The following TIMELESS variants were observed in gnomAD, a reference collection of about 807,000 sequenced individuals.
The protein encoded by TIMELESS is protein timeless homolog.
Under a neutral mutation model 164.3 loss-of-function variants are expected in TIMELESS, and 124 were observed. That is an observed-to-expected ratio of 0.75 (90% confidence interval 0.65 to 0.88). TIMELESS has a LOEUF of 0.88. Ranked by LOEUF, TIMELESS falls within the 40% of genes least tolerant of loss-of-function variation. The pLI is 0.00. For missense variants in TIMELESS, 1,422 were observed against 1,491.4 expected, an observed-to-expected ratio of 0.95 and a Z score of 0.77; for synonymous variants, 564 against 563.4, an observed-to-expected ratio of 1.00 and a Z score of -0.02.
chr12:56,443,426 G>C (rs1868304103), intron 1 of TIMELESS, among the ~76,000 whole-genome samples: 1 of 152,152 alleles, frequency 6.6e-6, no homozygotes, highest in East Asian at 1.9e-4. Context: ...GTGAATTCTA[G>C]TCAGACTGGT....
At chr12:56,427,952 C>G (rs991734044) in intron 13 of TIMELESS, among the ~76,000 whole-genome samples, 1 of 152,100 alleles carries the variant, frequency 6.6e-6, no homozygotes, top group East Asian at 1.9e-4. Context: ...AATTATTAGA[C>G]TCTAAAATTA....
intron 10 of TIMELESS, 103 bp from the exon 11 acceptor site, chr12:56,429,203 AT>A (rs371281887): frequency 0.11 from 95,615 of 836,932 alleles, no homozygotes; most frequent in East Asian, 0.16. Context: ...CACCGTCATA[AT>A]TTTTTTTTTT....
chr12:56,448,885 T>C (rs994453668), intron 1 of TIMELESS, among the ~76,000 whole-genome samples: 2 of 152,126 alleles, frequency 1.3e-5, no homozygotes, highest in African/African-American at 4.8e-5. Context: ...ATCCGTTCCA[T>C]AAAACCCACG....
At chr12:56,433,186 T>C in intron 5 of TIMELESS, 59 bp from the exon 6 acceptor site, 1 of 1,542,840 alleles carries the variant, frequency 6.5e-7, no homozygotes. Context: ...GTATGTACTC[T>C]GGCTGGAAGA....
At chr12:56,436,120 T>C (rs1882063827) in intron 1 of TIMELESS, among the ~76,000 whole-genome samples, 1 of 152,178 alleles carries the variant, frequency 6.6e-6, no homozygotes, top group African/African-American at 2.4e-5. Context: ...AGAGACTTAT[T>C]CTTAGCCAAT....
chr12:56,438,335 G>A (rs920289524), intron 1 of TIMELESS, among the ~76,000 whole-genome samples: 3 of 152,248 alleles, frequency 2.0e-5, no homozygotes, highest in South Asian at 2.1e-4. Flanking sequence ...GTGAGCCACC[G>A]TGCCTGGCTT....
At chr12:56,447,213 A>G (rs1411058950) in intron 1 of TIMELESS, among the ~76,000 whole-genome samples, 2 of 126,628 alleles carry the variant, frequency 1.6e-5, no homozygotes, top group African/African-American at 2.9e-5. Flanking sequence ...TTTTTTTAGT[A>G]GAGATAGGAA....
chr12:56,446,810 C>CAAA (rs57794084), intron 1 of TIMELESS, among the ~76,000 whole-genome samples: 3 of 127,000 alleles, frequency 2.4e-5, no homozygotes, highest in African/African-American at 8.4e-5. Flanking sequence ...AACTCCATCT[C>CAAA]AAAAAAAAAA....
rs559538030 is a variant in TIMELESS, at chr12:56,423,657, C to A, written c.2017G>T (p.Glu673Ter). 3 of 1,614,050 alleles carry A rather than the reference C, an allele frequency of 1.9e-6. No individual in the cohort carries two copies. The African/African-American group carries it at 4.0e-5, about 22-fold the overall frequency. ...ACTTGCAACTCCTCCTCTTCCTCCT[C>A]CTCCTCCTCTTCTTCTTCCTCTGCC... ...RGAEEEEEEEEEEEEELQVVQ... is the reference protein window; with the variant it reads ...RGAEEEEEEE The change falls in exon 17 of 29, where the codon GAG becomes TAG. Residue 673 changes from glutamate to a stop codon, truncating the protein, a stop_gained. Transcript: ENST00000553532. LOFTEE classifies it high-confidence loss of function.
At chr12:56,426,544 G>A (rs963718952) in intron 13 of TIMELESS, among the ~76,000 whole-genome samples, 12 of 151,106 alleles carry the variant, frequency 7.9e-5, no homozygotes, top group Admixed American at 2.0e-4. Context: ...GTGCCACCAC[G>A]CCAGGCTAAT....
chr12:56,433,279 A>G (rs372281803), intron 5 of TIMELESS, 102 bp downstream of exon 5: 1 of 1,441,966 alleles, frequency 6.9e-7, no homozygotes, highest in Admixed American at 1.7e-5. Context: ...TCGGACTACC[A>G]CATCCCCAAG....
intron 1 of TIMELESS, among the ~76,000 whole-genome samples, chr12:56,440,654 C>T (rs1003272332): frequency 6.6e-6 from 1 of 152,144 alleles, no homozygotes; most frequent in Admixed American, 6.6e-5. Context: ...AATACCCACC[C>T]TCACAAGATA....
rs73326232 is a variant in TIMELESS at position 56,422,340 on chromosome 12, C to T, written c.2439-149G>A. On this transcript the variant is annotated intron_variant, in intron 19 of 28. Coordinates refer to ENST00000553532, the MANE Select transcript of TIMELESS (RefSeq NM_003920.5). ...CCAGCAGAGGCCTACAGTGTGCCTC[C>T]TTCCCCTCACTTTCCTTCCACGTAA... 1,810 of 627,918 alleles carry T rather than the reference C, an allele frequency of 2.9e-3. 25 individuals are homozygous for T. In the African/African-American group the frequency reaches 0.029, roughly 10 times the overall value. 38.9% of individuals were successfully genotyped at this position (627,918 alleles called of 1,614,324 possible).
chr12:56,449,076 A>G (rs1868466415), intron 1 of TIMELESS, among the ~76,000 whole-genome samples: 1 of 152,174 alleles, frequency 6.6e-6, no homozygotes, highest in Non-Finnish European at 1.5e-5. Flanking sequence ...GGGAGACCCA[A>G]GCTGTGCGGA....
intron 1 of TIMELESS, among the ~76,000 whole-genome samples, chr12:56,434,543 G>A (rs956030494): frequency 2.6e-5 from 4 of 152,134 alleles, no homozygotes; most frequent in Non-Finnish European, 5.9e-5. Flanking sequence ...TTCGAGACCA[G>A]CCTGACCAAC....
chr12:56,431,651 A>G, intron 7 of TIMELESS, 47 bp from the exon 8 acceptor site: 1 of 1,593,262 alleles, frequency 6.3e-7, no homozygotes, highest in Non-Finnish European at 8.5e-7. Flanking sequence ...GTCATTCCTT[A>G]TCCTGAGTTC....
chr12:56,427,269 C>T (rs1195041560), intron 13 of TIMELESS, among the ~76,000 whole-genome samples: 6 of 152,154 alleles, frequency 3.9e-5, no homozygotes, highest in East Asian at 1.9e-4. Flanking sequence ...ACTACAGGTG[C>T]GTGCCATCAC....
chr12:56,443,619 C>T (rs998623474), intron 1 of TIMELESS, among the ~76,000 whole-genome samples: 12 of 152,138 alleles, frequency 7.9e-5, no homozygotes, highest in South Asian at 4.1e-4. Flanking sequence ...ACTCCCTATT[C>T]GTACCCCCCT....
At chr12:56,448,181 G>A (rs183568663) in intron 1 of TIMELESS, among the ~76,000 whole-genome samples, 114 of 152,268 alleles carry the variant, frequency 7.5e-4, no homozygotes, top group African/African-American at 2.5e-3. Context: ...CGACGCGGGC[G>A]GATCATTTGA....
Sources: gnomAD v4.1 joint callset for allele counts (sites outside exome capture counted in the v4.1 genomes callset) on GRCh38, gnomAD v4.1.1 for gene constraint, MANE v1.5 for transcripts, NCBI Gene and HGNC (gene_info 2026-07-23, HGNC 2026-07-21) for gene names.